OCA2: variants seen among roughly 807,000 people sequenced by gnomAD.
OCA2 encodes the protein P protein.
Under a neutral mutation model 100.2 loss-of-function variants are expected in OCA2, and 77 were observed. The ratio of observed to expected loss-of-function variants is 0.77; its 90% CI spans 0.64 to 0.93. OCA2 has a LOEUF of 0.93. Ranked by LOEUF, OCA2 falls within the 40% of genes least tolerant of loss-of-function variation. OCA2 has a pLI of 0.00. For synonymous variants in OCA2, 432 were observed against 439.2 expected (o/e 0.98, Z 0.21); for missense variants, 1,062 against 1,089.1 (o/e 0.98, Z 0.35).
At chr15:27,901,767 A>T (rs1264093950) in intron 19 of OCA2, among the ~76,000 whole-genome samples, 1 of 152,242 alleles carries the variant, frequency 6.6e-6, no homozygotes, top group Non-Finnish European at 1.5e-5. Context: ...ATGATGATAC[A>T]GAAATACATG....
the OCA2 span, among the ~76,000 whole-genome samples, chr15:27,729,420 A>G: frequency 6.7e-6 from 1 of 150,354 alleles, no homozygotes; most frequent in African/African-American, 2.4e-5. Flanking sequence ...GATGTTTATT[A>G]CAGCAAATCT....
chr15:27,914,408 G>T (rs536727171), intron 19 of OCA2, among the ~76,000 whole-genome samples: 1 of 152,292 alleles, frequency 6.6e-6, no homozygotes, highest in African/African-American at 2.4e-5. Flanking sequence ...AATAGGAAGA[G>T]AGGAAGTCAA....
intron 15 of OCA2, among the ~76,000 whole-genome samples, chr15:27,964,743 G>A (rs547954453): frequency 6.6e-6 from 1 of 152,276 alleles, no homozygotes; most frequent in South Asian, 2.1e-4. Flanking sequence ...GATCTCTTGA[G>A]TGGGGCTTGG....
At chr15:27,828,029 A>G (rs2034801334) in intron 23 of OCA2, among the ~76,000 whole-genome samples, 1 of 152,198 alleles carries the variant, frequency 6.6e-6, no homozygotes, top group South Asian at 2.1e-4. Flanking sequence ...ATTTTTTCTT[A>G]GGCATTTCAT....
chr15:28,066,050 A>T (rs1051976935), intron 2 of OCA2, among the ~76,000 whole-genome samples: 1 of 152,212 alleles, frequency 6.6e-6, no homozygotes, highest in African/African-American at 2.4e-5. Flanking sequence ...GCTATACTTA[A>T]TAAGTTACTT....
the OCA2 span, among the ~76,000 whole-genome samples, chr15:27,730,980 A>G: frequency 6.7e-6 from 1 of 150,166 alleles, no homozygotes; most frequent in Non-Finnish European, 1.5e-5. Flanking sequence ...TGAGTTAAAA[A>G]TTTTTTTTAT....
chr15:27,811,824 C>T (rs2034091654), intron 23 of OCA2, among the ~76,000 whole-genome samples: 1 of 152,134 alleles, frequency 6.6e-6, no homozygotes, highest in African/African-American at 2.4e-5. Context: ...AAGACCAGGT[C>T]ACTGGATATC....
At chr15:28,022,456 G>T in intron 6 of OCA2, 45 bp downstream of exon 6, 2 of 1,384,436 alleles carry the variant, frequency 1.4e-6, no homozygotes. Context: ...TTGTGTTTCA[G>T]ATCTCAGCCA....
chr15:28,041,542 A>G (rs1318551851), intron 2 of OCA2, among the ~76,000 whole-genome samples: 1 of 152,230 alleles, frequency 6.6e-6, no homozygotes, highest in Non-Finnish European at 1.5e-5. Context: ...GGGGAGAAAA[A>G]CAAATGAAAG....
chr15:27,920,758 A>C (rs1343405071), intron 19 of OCA2, among the ~76,000 whole-genome samples: 1 of 152,176 alleles, frequency 6.6e-6, no homozygotes, highest in African/African-American at 2.4e-5. Context: ...GAACAATACA[A>C]GTGAAATAAA....
At chr15:27,784,401 T>C (rs1369611539) in intron 23 of OCA2, among the ~76,000 whole-genome samples, 1 of 151,972 alleles carries the variant, frequency 6.6e-6, no homozygotes, top group Admixed American at 6.5e-5. Flanking sequence ...GGAAAAGTAT[T>C]CATTTCCAGG....
At chr15:27,720,759 T>C in the OCA2 span, among the ~76,000 whole-genome samples, 149 of 152,254 alleles carry the variant, frequency 9.8e-4, no homozygotes, top group African/African-American at 3.4e-3. Context: ...CATGTCACAA[T>C]TGACCAAATG....
At chr15:27,992,895 GGC>G in intron 9 of OCA2, among the ~76,000 whole-genome samples, 1 of 152,206 alleles carries the variant, frequency 6.6e-6, no homozygotes, top group African/African-American at 2.4e-5. Context: ...GGCCAAGGCA[GGC>G]AGATTGCTTA....
intron 6 of OCA2, among the ~76,000 whole-genome samples, chr15:28,018,767 T>C (rs1351526081): frequency 6.6e-6 from 1 of 152,146 alleles, no homozygotes; most frequent in Non-Finnish European, 1.5e-5. Flanking sequence ...AAGCAGATCG[T>C]CGTGACCCTC....
chr15:27,979,630 T>C (rs559512079), intron 14 of OCA2, among the ~76,000 whole-genome samples: 44 of 152,260 alleles, frequency 2.9e-4, no homozygotes, highest in Admixed American at 1.1e-3. Context: ...ATCATATACA[T>C]TTTTAACTTT....
At chr15:27,758,442 A>C (rs1402781836) in intron 23 of OCA2, among the ~76,000 whole-genome samples, 1 of 152,252 alleles carries the variant, frequency 6.6e-6, no homozygotes. Context: ...AACAGCAGAG[A>C]CCACGTGGGG....
chr15:27,954,258 C>A (rs910448977), intron 17 of OCA2, among the ~76,000 whole-genome samples: 1 of 152,066 alleles, frequency 6.6e-6, no homozygotes, highest in Non-Finnish European at 1.5e-5. Context: ...TCCAGGTGTA[C>A]AGAGAGGCAC....
chr15:27,974,964 A>G (rs2040919828), intron 14 of OCA2, among the ~76,000 whole-genome samples: 1 of 152,166 alleles, frequency 6.6e-6, no homozygotes, highest in Non-Finnish European at 1.5e-5. Context: ...CTTTCCTACC[A>G]TCGTATTTAA....
At chr15:27,799,267 T>A (rs2033485496) in intron 23 of OCA2, among the ~76,000 whole-genome samples, 1 of 152,182 alleles carries the variant, frequency 6.6e-6, no homozygotes, top group African/African-American at 2.4e-5. Flanking sequence ...GTTCTAGCCC[T>A]GGGCACACAG....
Sources: gnomAD v4.1 joint callset for allele counts (sites outside exome capture counted in the v4.1 genomes callset) on GRCh38, gnomAD v4.1.1 for gene constraint, MANE v1.5 for transcripts, NCBI Gene and HGNC (gene_info 2026-07-23, HGNC 2026-07-21) for gene names.